RALGPS1: variants seen among roughly 807,000 people sequenced by gnomAD.
The protein encoded by RALGPS1 is Ral GEF with PH domain and SH3 binding motif 1, also known as ras-specific guanine nucleotide-releasing factor RalGPS1.
A neutral mutation model predicts 78.8 loss-of-function variants in RALGPS1; 19 were observed. The observed-to-expected ratio is 0.24, with a 90% CI of 0.17 to 0.35. The LOEUF is 0.35. Among genes scored for constraint, RALGPS1 ranks in the 10% least tolerant of loss-of-function variants. The pLI, the probability that RALGPS1 is intolerant of heterozygous loss-of-function variation, is 1.00. For synonymous variants in RALGPS1, 228 were observed against 256.3 expected, an observed-to-expected ratio of 0.89 and a Z score of 1.06; for missense variants, 454 against 688.3, an observed-to-expected ratio of 0.66 and a Z score of 3.81.
chr9:126,979,698 C>T (rs1244163727), intron 4 of RALGPS1, among the ~76,000 whole-genome samples: 1 of 152,184 alleles, frequency 6.6e-6, no homozygotes, highest in East Asian at 1.9e-4. Context: ...AAGACTTTTC[C>T]CCAGGGTGCT....
At chr9:127,083,398 C>T (rs1314956394) in intron 8 of RALGPS1, among the ~76,000 whole-genome samples, 1 of 152,192 alleles carries the variant, frequency 6.6e-6, no homozygotes, top group Non-Finnish European at 1.5e-5. Flanking sequence ...CATCTGGTGC[C>T]ATGTGCCAGG....
intron 8 of RALGPS1, among the ~76,000 whole-genome samples, chr9:127,156,669 A>G (rs1167957535): frequency 1.3e-5 from 2 of 151,894 alleles, no homozygotes; most frequent in African/African-American, 4.8e-5. Flanking sequence ...TATTTTTCCT[A>G]TTCTATTTGT....
chr9:126,999,823 C>A (rs1490948922), intron 4 of RALGPS1, among the ~76,000 whole-genome samples: 2 of 152,144 alleles, frequency 1.3e-5, no homozygotes, highest in Admixed American at 1.3e-4. Context: ...AGTTTTCAAC[C>A]CATTTGGGTA....
intron 11 of RALGPS1, among the ~76,000 whole-genome samples, 193 bp downstream of exon 11, chr9:127,174,975 G>A (rs866163895): frequency 6.6e-6 from 1 of 152,214 alleles, no homozygotes; most frequent in Non-Finnish European, 1.5e-5. Context: ...GTTCCCCTCT[G>A]TGCCGGGGCT....
intron 9 of RALGPS1, among the ~76,000 whole-genome samples, chr9:127,167,428 C>T (rs1037858142): frequency 6.6e-6 from 1 of 152,232 alleles, no homozygotes; most frequent in Admixed American, 6.5e-5. Context: ...CAGACATGGG[C>T]TTCAGGGTCA....
chr9:127,012,698 G>A (rs1472974080), intron 4 of RALGPS1, among the ~76,000 whole-genome samples: 2 of 152,364 alleles, frequency 1.3e-5, no homozygotes, highest in African/African-American at 4.8e-5. Context: ...CAAAGGGCCA[G>A]ATGTCTGAGG....
At chr9:127,120,814 C>T (rs1274165553) in intron 8 of RALGPS1, among the ~76,000 whole-genome samples, 4 of 149,670 alleles carry the variant, frequency 2.7e-5, no homozygotes, top group African/African-American at 4.9e-5. Flanking sequence ...GGTGACAGAG[C>T]GAGACTCCAT....
chr9:126,921,597 A>G (rs1292876203), intron 1 of RALGPS1, among the ~76,000 whole-genome samples: 2 of 152,240 alleles, frequency 1.3e-5, no homozygotes, highest in Non-Finnish European at 2.9e-5. Context: ...TCTCCTGAGC[A>G]TCAGAGAGGC....
In RALGPS1 at chr9:127,184,216, T is replaced by C. The variant is rs2060482999; in HGVS notation, c.910+9434T>C. The C allele has an allele frequency of 4.7e-6, 3 of 643,748 alleles. No individual in the cohort carries two copies. The Admixed American group carries it at 7.4e-5, about 16-fold the overall frequency. 39.9% of individuals were successfully genotyped at this position (643,748 alleles called of 1,614,324 possible). ...GGTGCGTGCCTACAGCCCCAGCTCC[T>C]CAGGGCTTAGGCGAGATCGCTTGAT... On this transcript the variant is annotated intron_variant, in intron 11 of 18. Coordinates refer to ENST00000259351, the MANE Select transcript of RALGPS1 (RefSeq NM_014636.3).
At chr9:127,124,968 G>A (rs891744446) in intron 8 of RALGPS1, among the ~76,000 whole-genome samples, 1 of 152,126 alleles carries the variant, frequency 6.6e-6, no homozygotes, top group African/African-American at 2.4e-5. Context: ...GGAGCACCAG[G>A]GTGTCTTGCC....
chr9:127,125,673 G>A (rs1053184915), intron 8 of RALGPS1, among the ~76,000 whole-genome samples: 1 of 152,268 alleles, frequency 6.6e-6, no homozygotes, highest in Non-Finnish European at 1.5e-5. Flanking sequence ...GGTGACTCCT[G>A]GATCTCCGTG....
At chr9:127,127,855 T>TG (rs1417466641) in intron 8 of RALGPS1, among the ~76,000 whole-genome samples, 7 of 122,072 alleles carry the variant, frequency 5.7e-5, no homozygotes, top group Non-Finnish European at 1.4e-4. Context: ...ACGATTGTCC[T>TG]GAAAAAAAAA....
In RALGPS1 at chr9:127,109,315, C is replaced by T. The variant is rs143748336; in HGVS notation, c.610+39959C>T. On this transcript the variant is annotated intron_variant, in intron 8 of 18. Coordinates refer to ENST00000259351, the MANE Select transcript of RALGPS1 (RefSeq NM_014636.3). ...GGATTCTAACTCCATGAGGGCATGT[C>T]GTCTGTCTGATTCAACCCTGTATTC... Among the ~76,000 whole-genome samples, 1,301 of 152,308 alleles carry T rather than the reference C, an allele frequency of 8.5e-3. 16 individuals carry two copies. The highest frequency in any genetic ancestry group is 0.024 in the African/African-American group (1,010 of 41,564).
chr9:126,946,978 T>TCG (rs1262305071), intron 1 of RALGPS1, among the ~76,000 whole-genome samples: 1 of 152,020 alleles, frequency 6.6e-6, no homozygotes, highest in South Asian at 2.1e-4. Context: ...TGTAGATGCT[T>TCG]ATGTGGGAGA....
chr9:127,122,361 C>T lies in RALGPS1; in HGVS notation c.611-43708C>T, dbSNP rs1289653163. 6.6e-6 allele frequency: 1 copy of T among 152,512 alleles called. No individual in the cohort carries two copies. Among genetic ancestry groups the T allele is most frequent in the African/African-American group, 2.4e-5 (1 of 41,408 alleles). The allele number at this position is 152,512 out of a possible 1,614,324, so 9.4% of individuals were successfully genotyped here. On this transcript the variant is annotated intron_variant, in intron 8 of 18. Coordinates refer to ENST00000259351, the MANE Select transcript of RALGPS1 (RefSeq NM_014636.3). This position sits in a 1 kb window ranked among gnomAD's most constrained non-coding sequence, Gnocchi z 6.4. ...CGGGGCGGCTCCTCACATGCTTCACCCTGGCCGTCAGCGGGGCAGCCTGTC... is the reference window on the plus strand; with the variant it reads ...CGGGGCGGCTCCTCACATGCTTCACTCTGGCCGTCAGCGGGGCAGCCTGTC...
rs1160573038 is a variant in RALGPS1, at chr9:127,211,811, C to T, written c.1248-320C>T. The stretch of plus-strand genomic sequence containing the variant: ...TCAGGTGTGGAGGAGCCCACGCCAG[C>T]CCCAGGGAGCGGCCAGGCTGTAGCC... On this transcript the variant is annotated intron_variant, in intron 14 of 18. Coordinates refer to ENST00000259351, the MANE Select transcript of RALGPS1 (RefSeq NM_014636.3). This position sits in a 1 kb window ranked among gnomAD's most constrained non-coding sequence, Gnocchi z 5.0. Among the ~76,000 whole-genome samples, 1 of 152,186 alleles carries T rather than the reference C, an allele frequency of 6.6e-6. No homozygotes were observed. The highest frequency in any genetic ancestry group is 2.4e-5 in the African/African-American group (1 of 41,452).
chr9:127,159,069 C>T (rs748944537), intron 8 of RALGPS1, among the ~76,000 whole-genome samples: 9 of 151,978 alleles, frequency 5.9e-5, no homozygotes, highest in Non-Finnish European at 1.2e-4. Flanking sequence ...TCCCAATTGT[C>T]ATTGAAGGGT....
At chr9:127,164,403 T>C (rs989126327) in intron 8 of RALGPS1, among the ~76,000 whole-genome samples, 3 of 151,784 alleles carry the variant, frequency 2.0e-5, no homozygotes, top group African/African-American at 7.3e-5. Flanking sequence ...ACGTGACTAA[T>C]TCTGTGTTTT....
At chr9:127,178,088 A>C (rs1322685417) in intron 11 of RALGPS1, 1 of 1,261,886 alleles carries the variant, frequency 7.9e-7, no homozygotes, top group Non-Finnish European at 1.1e-6. Flanking sequence ...CATGGGGAAG[A>C]AGTGTTACCA....
Sources: allele counts gnomAD v4.1 joint callset (sites outside exome capture counted in the v4.1 genomes callset), GRCh38; gene constraint gnomAD v4.1.1; non-coding constraint Gnocchi (gnomAD v3.1); transcripts MANE v1.5; gene names NCBI Gene and HGNC (gene_info 2026-07-23, HGNC 2026-07-21).